DIP2B: variants seen among roughly 807,000 people sequenced by gnomAD.
The protein encoded by DIP2B is DIP2 acetate--CoA ligase B (putative).
A neutral mutation model predicts 198.0 loss-of-function variants in DIP2B; 76 were observed. The observed-to-expected ratio is 0.38, with a 90% CI of 0.32 to 0.46. The LOEUF is 0.46. Among genes scored for constraint, DIP2B ranks in the 20% least tolerant of loss-of-function variants. The probability of loss-of-function intolerance (pLI) is 0.99; values close to 1 mark genes in which losing one functional copy is unlikely to be tolerated. For missense variants in DIP2B, 1,559 were observed against 1,978.4 expected (o/e 0.79, Z 4.02); for synonymous variants, 701 against 739.1 (o/e 0.95, Z 0.84).
At position 50,746,741 on chromosome 12, in the gene DIP2B, C is replaced by CA. The variant is rs1940346200; in HGVS notation, c.*1903dup. ...TAGCAATGGTTTGGTTTGCAGAGAA[C>CA]ACAGCCTGATACTTAATTTTCTTAA... On this transcript the variant is annotated 3_prime_UTR_variant, in exon 38 of 38. Transcript: ENST00000301180. 1 of 152,218 alleles carries CA rather than the reference C, an allele frequency of 6.6e-6. No homozygotes were observed. The highest frequency in any genetic ancestry group is 2.1e-4 in the South Asian group (1 of 4,832). The allele number at this position is 152,218 out of a possible 1,614,324, so 9.4% of individuals were successfully genotyped here.
intron 2 of DIP2B, among the ~76,000 whole-genome samples, chr12:50,636,841 G>T (rs573105920): frequency 6.6e-6 from 1 of 152,162 alleles, no homozygotes; most frequent in Admixed American, 6.5e-5. Flanking sequence ...GTCAGGATCT[G>T]TTCAGACACC....
intron 28 of DIP2B, among the ~76,000 whole-genome samples, chr12:50,727,317 A>T (rs531494453): frequency 6.6e-6 from 1 of 152,330 alleles, no homozygotes; most frequent in South Asian, 2.1e-4. Context: ...CAACAGTTCT[A>T]TGAGGGTAGG....
intron 1 of DIP2B, among the ~76,000 whole-genome samples, chr12:50,553,857 T>C (rs896346025): frequency 3.3e-5 from 5 of 152,152 alleles, no homozygotes; most frequent in Non-Finnish European, 7.3e-5. Flanking sequence ...TCTTGTTATG[T>C]TGCCCTGGCT....
chr12:50,580,322 G>A (rs1958712973), intron 1 of DIP2B, among the ~76,000 whole-genome samples: 1 of 148,750 alleles, frequency 6.7e-6, no homozygotes, highest in Admixed American at 6.9e-5. Context: ...AAGGGCTCCA[G>A]TTTCCTGGCT....
chr12:50,652,964 A>C (rs1372892053), intron 3 of DIP2B, among the ~76,000 whole-genome samples: 2 of 151,668 alleles, frequency 1.3e-5, no homozygotes, highest in Non-Finnish European at 2.9e-5. Flanking sequence ...TTTTTAAAGA[A>C]ACGGGGTCTC....
intron 2 of DIP2B, among the ~76,000 whole-genome samples, chr12:50,636,469 G>T (rs1465698652): frequency 6.6e-6 from 1 of 152,154 alleles, no homozygotes. Flanking sequence ...CTCATCAGAA[G>T]GAAGTCCAGT....
chr12:50,683,280 C>T (rs1044671480), intron 10 of DIP2B, 32 bp downstream of exon 10: 4 of 1,561,242 alleles, frequency 2.6e-6, no homozygotes, highest in Non-Finnish European at 3.5e-6. Context: ...GGAATGTAGC[C>T]TGATGTGACA....
At chr12:50,657,223 C>CAAAAAAAAAAAAAAA (rs57903571) in intron 3 of DIP2B, 2 of 107,046 alleles carry the variant, frequency 1.9e-5, no homozygotes. Flanking sequence ...TCTCTATTTA[C>CAAAAAAAAAAAAAAA]AAAAAAAAAA....
intron 1 of DIP2B, among the ~76,000 whole-genome samples, chr12:50,625,391 A>T (rs553819700): frequency 1.3e-5 from 2 of 152,306 alleles, no homozygotes; most frequent in Admixed American, 6.5e-5. Flanking sequence ...CATACTTTTA[A>T]ATTTAACTTT....
chr12:50,655,337 A>G (rs2139505801), intron 3 of DIP2B, among the ~76,000 whole-genome samples: 1 of 152,372 alleles, frequency 6.6e-6, no homozygotes, highest in East Asian at 1.9e-4. Flanking sequence ...TGTAAACAAT[A>G]GTAAATATGT....
chr12:50,732,849 G>A (rs1486457849), intron 32 of DIP2B, among the ~76,000 whole-genome samples: 2 of 152,138 alleles, frequency 1.3e-5, no homozygotes, highest in Non-Finnish European at 1.5e-5. Context: ...ATGATGACGA[G>A]TCACAAAGAT....
At chr12:50,744,460 T>C (rs1376628316) in intron 37 of DIP2B, 127 bp from the exon 38 acceptor site, 3 of 1,301,504 alleles carry the variant, frequency 2.3e-6, no homozygotes, top group East Asian at 2.4e-5. Context: ...ATGGTAGACA[T>C]GACTGCTGAC....
chr12:50,708,124 C>T (rs943720874), intron 21 of DIP2B, among the ~76,000 whole-genome samples: 2 of 151,938 alleles, frequency 1.3e-5, no homozygotes, highest in Admixed American at 1.3e-4. Context: ...CCACCCTACA[C>T]ACCACTCCAC....
intron 29 of DIP2B, 81 bp downstream of exon 29, chr12:50,727,893 C>T: frequency 8.1e-7 from 1 of 1,230,806 alleles, no homozygotes; most frequent in South Asian, 1.2e-5. Flanking sequence ...ATGCAGAGGC[C>T]AAGTGGTTGT....
chr12:50,677,942 G>A (rs922191454), intron 7 of DIP2B, among the ~76,000 whole-genome samples: 1 of 151,778 alleles, frequency 6.6e-6, no homozygotes, highest in Non-Finnish European at 1.5e-5. Flanking sequence ...AGGATGCTCA[G>A]TGCTTTCCTA....
intron 4 of DIP2B, among the ~76,000 whole-genome samples, chr12:50,662,691 G>A (rs948577894): frequency 6.6e-6 from 1 of 152,182 alleles, no homozygotes; most frequent in African/African-American, 2.4e-5. Context: ...TACTCTGATA[G>A]CCATAGAAAC....
chr12:50,663,894 A>AG lies in DIP2B; in HGVS notation c.427+3576dup, dbSNP rs1938700898. 2.7e-5 allele frequency among the ~76,000 whole-genome samples: 4 copies of AG among 148,256 alleles called. No homozygotes were observed. The Admixed American group carries it at 2.7e-4, about 10-fold the overall frequency. ...CTTTAAAAAAAAAAAAAAAAAAAAA[A>AG]GCAAACAAAAAGTTGTACCACTCTT... On this transcript the variant is annotated intron_variant, in intron 4 of 37. Transcript: ENST00000301180.
intron 3 of DIP2B, among the ~76,000 whole-genome samples, chr12:50,652,477 A>G (rs1035423091): frequency 6.6e-6 from 1 of 152,008 alleles, no homozygotes; most frequent in Non-Finnish European, 1.5e-5. Context: ...CAGAGGTTGC[A>G]GTGAACTGAG....
intron 23 of DIP2B, among the ~76,000 whole-genome samples, chr12:50,717,359 CTTTTTTT>C (rs137945712): frequency 4.3e-5 from 2 of 46,864 alleles, no homozygotes; most frequent in South Asian, 1.4e-3. Context: ...CTCACTGCAG[CTTTTTTT>C]TTTTTTTTTT....
Sources: gnomAD v4.1 joint callset for allele counts (sites outside exome capture counted in the v4.1 genomes callset) on GRCh38, gnomAD v4.1.1 for gene constraint, MANE v1.5 for transcripts, NCBI Gene and HGNC (gene_info 2026-07-23, HGNC 2026-07-21) for gene names.